KANK1: variants seen among roughly 807,000 people sequenced by gnomAD.
KANK1 encodes KN motif and ankyrin repeat domain-containing protein 1.
A neutral mutation model predicts 106.2 loss-of-function variants in KANK1; 109 were observed. That is an observed-to-expected ratio of 1.03 (90% CI 0.88 to 1.20). The LOEUF (loss-of-function observed/expected upper bound fraction) is 1.20. Ranked by LOEUF, KANK1 falls within the 50% of genes most tolerant of loss-of-function variation. The pLI is 0.00. For synonymous variants in KANK1, 873 were observed against 652.2 expected, an observed-to-expected ratio of 1.34 and a Z score of -5.16; for missense variants, 2,399 against 1,710.7, an observed-to-expected ratio of 1.40 and a Z score of -7.10.
chr9:613,219 T>G (rs781641664), intron 1 of KANK1, among the ~76,000 whole-genome samples: 6 of 151,446 alleles, frequency 4.0e-5, no homozygotes, highest in Non-Finnish European at 7.4e-5. Flanking sequence ...CACAGCATCT[T>G]TAAGATTCAG....
intron 3 of KANK1, among the ~76,000 whole-genome samples, chr9:497,460 T>A (rs951087203): frequency 1.3e-5 from 2 of 150,898 alleles, no homozygotes; most frequent in Non-Finnish European, 2.9e-5. Context: ...ACACTCACAC[T>A]CTTGCCACCA....
intron 1 of KANK1, among the ~76,000 whole-genome samples, chr9:525,029 C>T (rs1163584553): frequency 3.5e-5 from 5 of 142,710 alleles, no homozygotes; most frequent in African/African-American, 1.4e-4. Flanking sequence ...CTCTGTCACC[C>T]AGGCTGGAGA....
intron 1 of KANK1, among the ~76,000 whole-genome samples, chr9:619,331 C>A (rs541698896): frequency 1.2e-4 from 19 of 152,164 alleles, no homozygotes; most frequent in African/African-American, 4.6e-4. Flanking sequence ...GAAGAGGGGG[C>A]AAGAGAACAA....
rs76205855 is a variant in KANK1, at chr9:687,449, G to A, written c.37+10440G>A. Among the ~76,000 whole-genome samples the A allele has an allele frequency of 2.1e-3, 323 of 152,204 alleles. 3 individuals carry two copies. The highest frequency in any genetic ancestry group is 7.5e-3 in the African/African-American group (310 of 41,526). ...TTGGACTTATTTTGTCTGAAATCATGGTCTATTTCCGTTTCTTCAGTTCTT... is the reference window on the plus strand; with the variant it reads ...TTGGACTTATTTTGTCTGAAATCATAGTCTATTTCCGTTTCTTCAGTTCTT... On this transcript the variant is annotated intron_variant, in intron 2 of 11. Coordinates refer to ENST00000382297, the MANE Select transcript of KANK1 (RefSeq NM_015158.5).
intron 3 of KANK1, chr9:495,539 A>C (rs1412257353): frequency 2.6e-5 from 4 of 152,202 alleles, no homozygotes; most frequent in African/African-American, 7.2e-5. Flanking sequence ...AACGTTAAAA[A>C]AAAAAATCAT....
At chr9:684,670 CT>C (rs1818206115) in intron 2 of KANK1, 1 of 735,236 alleles carries the variant, frequency 1.4e-6, no homozygotes, top group Admixed American at 6.3e-5. Context: ...AGCTCATTTG[CT>C]TCCTTTTCCA....
chr9:630,699 T>A (rs963689111), intron 1 of KANK1, among the ~76,000 whole-genome samples: 3 of 151,556 alleles, frequency 2.0e-5, no homozygotes, highest in African/African-American at 7.3e-5. Context: ...GTCAGGAGTT[T>A]GAGACCAGCC....
At chr9:603,052 A>G (rs753393702) in intron 1 of KANK1, among the ~76,000 whole-genome samples, 2 of 151,758 alleles carry the variant, frequency 1.3e-5, no homozygotes, top group Non-Finnish European at 2.9e-5. Flanking sequence ...GGGCCTTACC[A>G]CCTGTTTCTT....
At chr9:534,685 C>G (rs1005625718) in intron 1 of KANK1, among the ~76,000 whole-genome samples, 2 of 152,192 alleles carry the variant, frequency 1.3e-5, no homozygotes, top group African/African-American at 4.8e-5. Context: ...GATTTATAGT[C>G]AAGGGTACAG....
rs1393472614 is a variant in KANK1 at position 734,707 on chromosome 9, TC to T, written c.3246-40del. On this transcript the variant is annotated intron_variant, in intron 6 of 11. Coordinates refer to ENST00000382297, the MANE Select transcript of KANK1 (RefSeq NM_015158.5). Reference sequence around the variant, plus strand: ...ATTTGGGTTGAAATAAAAATGATTTTCTTCTTGTGACCAATCGTAACTTGTT... The same window carrying T: ...ATTTGGGTTGAAATAAAAATGATTTTTTCTTGTGACCAATCGTAACTTGTT... 5.7e-6 allele frequency: 8 copies of T among 1,399,636 alleles called. No individual in the cohort carries two copies. In the East Asian group the frequency reaches 1.6e-4, roughly 28 times the overall value. 86.7% of individuals were successfully genotyped at this position (1,399,636 alleles called of 1,614,324 possible). A position where few individuals can be genotyped will look rare whatever the true frequency, so the allele number is the denominator to read the frequency against.
At chr9:600,794 AGTGTTC>A (rs1827548197) in intron 1 of KANK1, among the ~76,000 whole-genome samples, 1 of 151,840 alleles carries the variant, frequency 6.6e-6, no homozygotes, top group African/African-American at 2.4e-5. Context: ...GTGAATACCC[AGTGTTC>A]GCTTCTTTTG....
rs552967895 is a variant in KANK1 at position 580,671 on chromosome 9, C to CA, written c.-84+75919dup. On this transcript the variant is annotated intron_variant, in intron 1 of 11. Transcript: ENST00000382297. ...CCCTTAGCTAGACATAAAGGTTCTC[C>CA]AAGTGCCCACTAGACTCAGGAGTCC... Among the ~76,000 whole-genome samples the CA allele has an allele frequency of 2.4e-3, 366 of 152,360 alleles. 1 individual carries two copies. Among genetic ancestry groups the CA allele is most frequent in the Middle Eastern group, 0.01 (3 of 294 alleles).
At chr9:493,209 G>C (rs1286735199) in intron 3 of KANK1, among the ~76,000 whole-genome samples, 1 of 152,062 alleles carries the variant, frequency 6.6e-6, no homozygotes. Context: ...AAAAGACATT[G>C]CAGCCACCAT....
intron 2 of KANK1, among the ~76,000 whole-genome samples, chr9:702,089 G>T (rs1236761297): frequency 6.6e-6 from 1 of 152,170 alleles, no homozygotes; most frequent in Non-Finnish European, 1.5e-5. Flanking sequence ...GAGGAATTTG[G>T]TCTGAACTTG....
chr9:503,132 C>T (rs2058595828), upstream of KANK1, among the ~76,000 whole-genome samples: 1 of 151,750 alleles, frequency 6.6e-6, no homozygotes. Context: ...AGCCACTGCG[C>T]CTGGCCGACG....
At chr9:694,483 A>C (rs900621593) in intron 2 of KANK1, among the ~76,000 whole-genome samples, 1 of 152,206 alleles carries the variant, frequency 6.6e-6, no homozygotes, top group African/African-American at 2.4e-5. Flanking sequence ...TGGACATTAG[A>C]GAGCAGCATA....
At chr9:476,899 G>C (rs1272017351) in intron 3 of KANK1, 1 of 152,114 alleles carries the variant, frequency 6.6e-6, no homozygotes, top group Admixed American at 6.6e-5. Flanking sequence ...AAGCAAACAA[G>C]ACACAAATGA....
chr9:676,804 A>T, intron 1 of KANK1, 86 bp from the exon 2 acceptor site: 1 of 594,268 alleles, frequency 1.7e-6, no homozygotes, highest in Admixed American at 3.0e-5. Context: ...CTCTGTTAGC[A>T]GTCATCTTTG....
chr9:510,205 G>A (rs1191657123), intron 1 of KANK1, among the ~76,000 whole-genome samples: 3 of 152,100 alleles, frequency 2.0e-5, no homozygotes, highest in Non-Finnish European at 4.4e-5. Context: ...GGTTGACCAT[G>A]ATAACTTCTT....
Sources: allele counts gnomAD v4.1 joint callset (sites outside exome capture counted in the v4.1 genomes callset), GRCh38; gene constraint gnomAD v4.1.1; transcripts MANE v1.5; gene names NCBI Gene and HGNC (gene_info 2026-07-23, HGNC 2026-07-21).